Variants in COL24A1 observed in about 807,000 individuals in gnomAD.
COL24A1 encodes collagen type XXIV alpha 1 chain.
A neutral mutation model predicts 253.9 loss-of-function variants in COL24A1; 224 were observed. That is an observed-to-expected ratio of 0.88 (90% CI 0.79 to 0.99). COL24A1 has a LOEUF of 0.99. COL24A1 is among the 50% of genes least tolerant of loss of function. COL24A1 has a pLI of 0.00. For missense variants in COL24A1, 2,131 were observed against 2,068.5 expected (o/e 1.03, Z -0.59); for synonymous variants, 685 against 673.7 (o/e 1.02, Z -0.26).
intron 39 of COL24A1, among the ~76,000 whole-genome samples, chr1:85,844,951 T>C (rs1026760824): frequency 6.6e-6 from 1 of 151,914 alleles, no homozygotes; most frequent in Non-Finnish European, 1.5e-5. Context: ...ACCCATTTTA[T>C]ATGACTTGCT....
intron 19 of COL24A1, among the ~76,000 whole-genome samples, chr1:85,994,844 G>A (rs1416362944): frequency 6.6e-6 from 1 of 152,132 alleles, no homozygotes; most frequent in Non-Finnish European, 1.5e-5. Flanking sequence ...TCTTGAAAAT[G>A]CAAAATAATC....
chr1:85,763,311 G>A (rs1330253931), intron 53 of COL24A1, among the ~76,000 whole-genome samples: 7 of 151,692 alleles, frequency 4.6e-5, no homozygotes, highest in Middle Eastern at 3.4e-3. Context: ...CTAGCTACTC[G>A]GGAGGCTGAG....
At chr1:85,837,794 T>C (rs973870231) in intron 43 of COL24A1, among the ~76,000 whole-genome samples, 6 of 152,030 alleles carry the variant, frequency 3.9e-5, no homozygotes, top group Admixed American at 3.9e-4. Context: ...AAGCAAAGAT[T>C]ACATAATATT....
chr1:85,800,778 A>G, intron 47 of COL24A1, among the ~76,000 whole-genome samples: 1 of 152,190 alleles, frequency 6.6e-6, no homozygotes, highest in East Asian at 1.9e-4. Context: ...CCCCATTTGA[A>G]GATGAATATA....
rs143160817 is a variant in COL24A1, at chr1:86,142,243, G to T, written c.121+3876C>A. On this transcript the variant is annotated intron_variant, in intron 2 of 59. Coordinates refer to ENST00000370571, the MANE Select transcript of COL24A1 (RefSeq NM_152890.7). ...AACCCTTAAAAATTTAAACACAGAG[G>T]CCAGGCGCTGTGGCTCACGCCTGTA... 2.6e-4 allele frequency among the ~76,000 whole-genome samples: 39 copies of T among 151,976 alleles called. 2 individuals carry two copies. The East Asian group carries it at 7.2e-3, about 28-fold the overall frequency.
intron 7 of COL24A1, among the ~76,000 whole-genome samples, chr1:86,087,946 A>G (rs1490202053): frequency 2.0e-5 from 3 of 152,184 alleles, no homozygotes; most frequent in African/African-American, 4.8e-5. Context: ...TCAAGGTAAA[A>G]TACTCTCATG....
At chr1:85,892,432 A>AATATGT (rs1558553759) in intron 31 of COL24A1, among the ~76,000 whole-genome samples, 1 of 152,092 alleles carries the variant, frequency 6.6e-6, no homozygotes, top group East Asian at 1.9e-4. Flanking sequence ...AACTAAGAGA[A>AATATGT]ATATGTACTA....
intron 24 of COL24A1, 144 bp from the exon 25 acceptor site, chr1:85,911,577 T>TA (rs1411219917): frequency 1.4e-6 from 1 of 719,388 alleles, no homozygotes; most frequent in Non-Finnish European, 2.5e-6. Context: ...CTTGTATAGC[T>TA]ATGCAGTCTG....
chr1:85,823,816 T>C, intron 43 of COL24A1, 78 bp from the exon 44 acceptor site: 3 of 1,327,684 alleles, frequency 2.3e-6, no homozygotes, highest in Non-Finnish European at 3.2e-6. Flanking sequence ...TCACTTAAAA[T>C]GGTAGCAAAG....
At chr1:86,086,392 C>T (rs1703068912) in intron 7 of COL24A1, among the ~76,000 whole-genome samples, 1 of 152,038 alleles carries the variant, frequency 6.6e-6, no homozygotes, top group East Asian at 1.9e-4. Context: ...CGTGGCAAGC[C>T]CACCCCTGAC....
chr1:85,784,421 G>A, intron 48 of COL24A1, 55 bp from the exon 49 acceptor site: 1 of 1,344,160 alleles, frequency 7.4e-7, no homozygotes, highest in African/African-American at 1.4e-5. Flanking sequence ...AAACATATTG[G>A]CTTTTGAATG....
intron 53 of COL24A1, among the ~76,000 whole-genome samples, chr1:85,770,370 C>T (rs1475862196): frequency 1.3e-5 from 2 of 151,486 alleles, no homozygotes; most frequent in Non-Finnish European, 2.9e-5. Flanking sequence ...GACTTTACTG[C>T]TATATTTAAG....
At chr1:85,789,795 T>A (rs1485129590) in intron 47 of COL24A1, among the ~76,000 whole-genome samples, 1 of 152,218 alleles carries the variant, frequency 6.6e-6, no homozygotes, top group Non-Finnish European at 1.5e-5. Context: ...CTTTTCTGCA[T>A]CTACTGAGAT....
intron 48 of COL24A1, among the ~76,000 whole-genome samples, chr1:85,785,002 AT>A (rs1669532951): frequency 6.6e-6 from 1 of 152,134 alleles, no homozygotes; most frequent in Non-Finnish European, 1.5e-5. Flanking sequence ...AAGTGGTAGA[AT>A]TACAAGTGTG....
chr1:86,107,770 C>T (rs1252429488), intron 5 of COL24A1, among the ~76,000 whole-genome samples: 6 of 152,034 alleles, frequency 3.9e-5, no homozygotes, highest in Non-Finnish European at 8.8e-5. Context: ...CTCCTGACCT[C>T]GTGATCTACC....
intron 12 of COL24A1, among the ~76,000 whole-genome samples, chr1:86,042,655 T>G (rs935348744): frequency 6.6e-6 from 1 of 152,184 alleles, no homozygotes; most frequent in African/African-American, 2.4e-5. Flanking sequence ...TTTGTAAGTC[T>G]ATAAGTTCAT....
At chr1:85,738,305 A>G (rs916811488) in intron 57 of COL24A1, among the ~76,000 whole-genome samples, 3 of 152,200 alleles carry the variant, frequency 2.0e-5, no homozygotes, top group Admixed American at 6.5e-5. Flanking sequence ...TGATAAGTAA[A>G]ATAAAAATAT....
At chr1:85,799,379 T>TAAAA (rs66952563) in intron 47 of COL24A1, among the ~76,000 whole-genome samples, 1 of 112,336 alleles carries the variant, frequency 8.9e-6, no homozygotes, top group African/African-American at 3.5e-5. Context: ...GTGCCATGAC[T>TAAAA]AAAAAAAAAA....
intron 5 of COL24A1, among the ~76,000 whole-genome samples, chr1:86,111,063 G>A (rs1705535209): frequency 2.0e-5 from 3 of 152,246 alleles, no homozygotes; most frequent in Admixed American, 2.0e-4. Context: ...GATTGTACAT[G>A]CGCCAATCAG....
Sources: gnomAD v4.1 joint callset for allele counts (sites outside exome capture counted in the v4.1 genomes callset) on GRCh38, gnomAD v4.1.1 for gene constraint, MANE v1.5 for transcripts, NCBI Gene and HGNC (gene_info 2026-07-23, HGNC 2026-07-21) for gene names.